SPOCK3: variants seen among roughly 807,000 people sequenced by gnomAD.
SPOCK3 encodes SPARC (osteonectin), cwcv and kazal like domains proteoglycan 3.
In SPOCK3, 30 loss-of-function variants were observed where a neutral mutation model predicts 56.6. The ratio of observed to expected loss-of-function variants is 0.53; its 90% CI spans 0.40 to 0.72. The LOEUF is 0.72. SPOCK3 is among the 30% of genes least tolerant of loss of function. The probability of loss-of-function intolerance (pLI) is 0.00; values close to 1 mark genes in which losing one functional copy is unlikely to be tolerated. For missense variants in SPOCK3, 527 were observed against 530.0 expected, an observed-to-expected ratio of 0.99 and a Z score of 0.06; for synonymous variants, 196 against 183.3, an observed-to-expected ratio of 1.07 and a Z score of -0.56.
chr4:167,214,931 T>G (rs1314652577), intron 2 of SPOCK3, among the ~76,000 whole-genome samples: 1 of 151,738 alleles, frequency 6.6e-6, no homozygotes, highest in Non-Finnish European at 1.5e-5. Context: ...AGCAAAAACA[T>G]GTTGCATATG....
intron 2 of SPOCK3, among the ~76,000 whole-genome samples, chr4:167,102,811 T>C (rs1759770162): frequency 6.7e-6 from 1 of 149,882 alleles, no homozygotes; most frequent in Non-Finnish European, 1.5e-5. Context: ...ATAAGGACTG[T>C]AATTGCTAGG....
rs560712873 is a variant in SPOCK3 at position 167,122,166 on chromosome 4, CTCTT to C, written c.190-59633_190-59630del. Among the ~76,000 whole-genome samples, 111 of 150,138 alleles carry C rather than the reference CTCTT, an allele frequency of 7.4e-4. 2 individuals carry two copies. The Middle Eastern group carries it at 0.01, about 14-fold the overall frequency. On this transcript the variant is annotated intron_variant, in intron 2 of 10. Coordinates refer to ENST00000357545, the MANE Select transcript of SPOCK3 (RefSeq NM_001040159.2). Reference sequence around the variant, plus strand: ...TTCTTTTCTCATTCTCTCTCTCTCTCTCTTTCTCTCTCTTTCTTGAGACAGGGTC... The same window carrying C: ...TTCTTTTCTCATTCTCTCTCTCTCTCTCTCTCTCTTTCTTGAGACAGGGTC...
At chr4:167,053,463 T>C (rs1754428718) in intron 3 of SPOCK3, among the ~76,000 whole-genome samples, 1 of 152,026 alleles carries the variant, frequency 6.6e-6, no homozygotes, top group African/African-American at 2.4e-5. Flanking sequence ...GAGGGGCAGA[T>C]CACTTGAGTT....
In SPOCK3 at chr4:166,890,895, T is replaced by C. The variant is rs552333580; in HGVS notation, c.475-1651A>G. Reference sequence around the variant, plus strand: ...ATTATTGTGTGGGAGTCTAAGTCTCTTTGCAGGTCTCTAAGAACTTGTTTT... The same window carrying C: ...ATTATTGTGTGGGAGTCTAAGTCTCCTTGCAGGTCTCTAAGAACTTGTTTT... On this transcript the variant is annotated intron_variant, in intron 5 of 10. Transcript: ENST00000357545. 2.6e-5 allele frequency among the ~76,000 whole-genome samples: 4 copies of C among 152,136 alleles called. No homozygotes were observed. In the South Asian group the frequency reaches 8.3e-4, roughly 32 times the overall value.
chr4:166,920,656 A>G (rs1245024896), intron 4 of SPOCK3, among the ~76,000 whole-genome samples: 3 of 152,208 alleles, frequency 2.0e-5, no homozygotes, highest in African/African-American at 7.2e-5. Flanking sequence ...ACATTTTAAA[A>G]ATAGCAGTGA....
At chr4:166,777,504 T>G (rs1739693739) in intron 7 of SPOCK3, among the ~76,000 whole-genome samples, 2 of 152,098 alleles carry the variant, frequency 1.3e-5, no homozygotes, top group South Asian at 4.1e-4. Context: ...AAGCCCAGTG[T>G]GGTGGCTCAG....
intron 4 of SPOCK3, among the ~76,000 whole-genome samples, chr4:166,914,318 C>A (rs1737603954): frequency 6.6e-6 from 1 of 152,056 alleles, no homozygotes; most frequent in Admixed American, 6.6e-5. Flanking sequence ...ATCTCATTCT[C>A]CTTTCCTAAC....
intron 6 of SPOCK3, among the ~76,000 whole-genome samples, chr4:166,852,064 G>T: frequency 1.3e-5 from 2 of 149,474 alleles, no homozygotes; most frequent in Admixed American, 6.7e-5. Context: ...ACCAAACACC[G>T]CATATTCTCA....
chr4:166,766,528 G>T (rs1738080123), intron 7 of SPOCK3, among the ~76,000 whole-genome samples: 1 of 152,134 alleles, frequency 6.6e-6, no homozygotes, highest in East Asian at 1.9e-4. Flanking sequence ...TTGCATCCCA[G>T]GGATGAAGCC....
chr4:166,869,268 C>T (rs1732202887), intron 6 of SPOCK3, among the ~76,000 whole-genome samples: 2 of 149,946 alleles, frequency 1.3e-5, no homozygotes, highest in South Asian at 4.2e-4. Context: ...CAGAGTTAAA[C>T]ACATGCCAAA....
At chr4:166,865,076 T>C (rs908228924) in intron 6 of SPOCK3, among the ~76,000 whole-genome samples, 7 of 152,128 alleles carry the variant, frequency 4.6e-5, no homozygotes, top group Non-Finnish European at 1.0e-4. Context: ...ATCAAAAAGC[T>C]TATCCACCAC....
At chr4:166,974,051 G>C (rs1023065349) in intron 4 of SPOCK3, among the ~76,000 whole-genome samples, 6 of 152,082 alleles carry the variant, frequency 3.9e-5, no homozygotes, top group African/African-American at 1.2e-4. Context: ...GGGTTAAAGA[G>C]TAAACTGAAA....
chr4:166,765,800 T>C lies in SPOCK3; in HGVS notation c.710-11071A>G, dbSNP rs567487996. On this transcript the variant is annotated intron_variant, in intron 7 of 10. Coordinates refer to ENST00000357545, the MANE Select transcript of SPOCK3 (RefSeq NM_001040159.2). ...GGCAGTATGCCCATTTTTATGATAT[T>C]GATTCTTCCTATCCATGAGCATGGA... Among the ~76,000 whole-genome samples, 14 of 152,388 alleles carry C rather than the reference T, an allele frequency of 9.2e-5. No homozygotes were observed. The South Asian group carries it at 2.7e-3, about 29-fold the overall frequency.
chr4:167,124,528 C>T (rs540578403), intron 2 of SPOCK3, among the ~76,000 whole-genome samples: 2 of 152,250 alleles, frequency 1.3e-5, no homozygotes, highest in South Asian at 4.1e-4. Flanking sequence ...GCCCTTTTCT[C>T]CCCCACACCC....
chr4:167,042,532 C>T (rs1010209273), intron 3 of SPOCK3, among the ~76,000 whole-genome samples: 3 of 151,992 alleles, frequency 2.0e-5, no homozygotes, highest in African/African-American at 7.3e-5. Flanking sequence ...CTGTTAAAGT[C>T]CTACCTAGTT....
At chr4:166,933,735 C>G (rs1036017404) in intron 4 of SPOCK3, among the ~76,000 whole-genome samples, 1 of 152,154 alleles carries the variant, frequency 6.6e-6, no homozygotes, top group South Asian at 2.1e-4. Context: ...TAATTTTTCA[C>G]TGTCCTTTAT....
At chr4:167,066,342 A>G (rs899720023) in intron 2 of SPOCK3, among the ~76,000 whole-genome samples, 3 of 151,780 alleles carry the variant, frequency 2.0e-5, no homozygotes, top group South Asian at 2.1e-4. Flanking sequence ...TACTCATGAG[A>G]TACCGGTGGG....
chr4:166,914,129 A>T (rs1366148085), intron 4 of SPOCK3, among the ~76,000 whole-genome samples: 1 of 152,166 alleles, frequency 6.6e-6, no homozygotes, highest in Admixed American at 6.6e-5. Context: ...AAGACATGAA[A>T]TTACGCAACA....
At chr4:166,818,869 C>T (rs1213619023) in intron 6 of SPOCK3, among the ~76,000 whole-genome samples, 1 of 151,960 alleles carries the variant, frequency 6.6e-6, no homozygotes, top group Admixed American at 6.6e-5. Flanking sequence ...ATTTTTATAA[C>T]TGAAAGTGAC....
Sources: allele counts gnomAD v4.1 joint callset (sites outside exome capture counted in the v4.1 genomes callset), GRCh38; gene constraint gnomAD v4.1.1; transcripts MANE v1.5; gene names NCBI Gene and HGNC (gene_info 2026-07-23, HGNC 2026-07-21).